UBE2D3: variants seen among roughly 807,000 people sequenced by gnomAD.
UBE2D3 encodes the protein ubiquitin-conjugating enzyme E2 D3.
A neutral mutation model predicts 22.8 loss-of-function variants in UBE2D3; 2 were observed. The ratio of observed to expected loss-of-function variants is 0.09; its 90% CI spans 0.04 to 0.28. The LOEUF (loss-of-function observed/expected upper bound fraction) is 0.28, where lower values mean the gene tolerates loss of function less well. Among genes scored for constraint, UBE2D3 ranks in the 10% least tolerant of loss-of-function variants. The probability of loss-of-function intolerance (pLI) is 1.00; values close to 1 mark genes in which losing one functional copy is unlikely to be tolerated. For synonymous variants in UBE2D3, 56 were observed against 60.4 expected, an observed-to-expected ratio of 0.93 and a Z score of 0.34; for missense variants, 27 against 182.5, an observed-to-expected ratio of 0.15 and a Z score of 4.91.
In UBE2D3 at chr4:102,794,701, C is replaced by A. The variant is rs1479680012; in HGVS notation, c.*2714G>T. On this transcript the variant is annotated 3_prime_UTR_variant, in exon 8 of 8. Transcript: ENST00000453744. ...AAAAAAAAGTGAGTGTTTCACTACC[C>A]CTGAGACCACTAGTTAACTGTGGTT... The A allele has an allele frequency of 6.6e-6, 1 of 151,842 alleles. No individual in the cohort carries two copies. The allele number at this position is 151,842 out of a possible 1,614,324, so 9.4% of individuals were successfully genotyped here.
At position 102,855,755 on chromosome 4, in the gene UBE2D3, G is replaced by A. The variant is rs574857465; in HGVS notation, c.-129+12960C>T. 6.4e-4 allele frequency among the ~76,000 whole-genome samples: 97 copies of A among 152,274 alleles called. 1 individual carries two copies. The highest frequency in any genetic ancestry group is 2.3e-3 in the African/African-American group (94 of 41,536). On this transcript the variant is annotated intron_variant, in intron 1 of 7. Coordinates refer to the UBE2D3 transcript ENST00000338145. ...CAGTTTTTTACTGAACACCTACCAA[G>A]TGTCAGGTACTAAGGATTCATCAGT...
At chr4:102,810,958 T>C (rs772003530) in intron 2 of UBE2D3, 2 of 152,192 alleles carry the variant, frequency 1.3e-5, no homozygotes, top group Non-Finnish European at 2.9e-5. Context: ...CATAAGTCAG[T>C]ACACCCATTA....
intron 1 of UBE2D3, among the ~76,000 whole-genome samples, chr4:102,862,341 T>C (rs1404667026): frequency 6.6e-6 from 1 of 151,942 alleles, no homozygotes; most frequent in Non-Finnish European, 1.5e-5. Flanking sequence ...TAATTCTTTT[T>C]TTAAAAAAAT....
intron 4 of UBE2D3, among the ~76,000 whole-genome samples, chr4:102,808,245 GC>G (rs1170631846): frequency 1.3e-5 from 2 of 152,148 alleles, no homozygotes; most frequent in African/African-American, 4.8e-5. Flanking sequence ...TGGAATGTGG[GC>G]CTACTCAGAA....
upstream of UBE2D3, chr4:102,827,910 C>T: frequency 3.0e-6 from 3 of 985,626 alleles, no homozygotes; most frequent in Non-Finnish European, 3.6e-6. Flanking sequence ...TCCAGCCCCA[C>T]GCCCCTCCCC....
At chr4:102,821,222 C>A (rs1729554486) in intron 2 of UBE2D3, among the ~76,000 whole-genome samples, 1 of 151,900 alleles carries the variant, frequency 6.6e-6, no homozygotes, top group African/African-American at 2.4e-5. Flanking sequence ...CTGGTTTTGG[C>A]AAGGGGAATT....
rs78812337 is a variant in UBE2D3 at position 102,803,331 on chromosome 4, C to T, written c.121-693G>A. On this transcript the variant is annotated intron_variant, in intron 4 of 7. Transcript: ENST00000453744. ...TAAAATGTGGAATGCCTAACTGCTT[C>T]TGGGTATGCAAAGAACCAATCCGAA... Among the ~76,000 whole-genome samples, 355 of 152,296 alleles carry T rather than the reference C, an allele frequency of 2.3e-3. 2 individuals carry two copies. The highest frequency in any genetic ancestry group is 8.0e-3 in the African/African-American group (333 of 41,562).
chr4:102,820,747 CAAAA>C (rs902911912), intron 2 of UBE2D3, among the ~76,000 whole-genome samples: 1 of 151,204 alleles, frequency 6.6e-6, no homozygotes, highest in Non-Finnish European at 1.5e-5. Context: ...AACAAACAAA[CAAAA>C]AAAACAAAGA....
At chr4:102,856,287 C>G (rs1732613842) in intron 1 of UBE2D3, among the ~76,000 whole-genome samples, 1 of 152,174 alleles carries the variant, frequency 6.6e-6, no homozygotes, top group Admixed American at 6.5e-5. Context: ...AAATTTCTTG[C>G]AACTGGGAGG....
chr4:102,794,423 G>A lies in UBE2D3; in HGVS notation c.*2992C>T, dbSNP rs1725055829. On this transcript the variant is annotated 3_prime_UTR_variant, in exon 8 of 8. Transcript: ENST00000453744. ...ACTTTAATGGTAACAATTCCTTTAA[G>A]CTCAATTAACTTCAGCTATTACAAG... is the stretch of plus-strand genomic sequence containing the variant. The A allele has an allele frequency of 6.6e-6, 1 of 152,048 alleles. No individual in the cohort carries two copies. The highest frequency in any genetic ancestry group is 2.1e-4 in the South Asian group (1 of 4,832). 9.4% of individuals were successfully genotyped at this position (152,048 alleles called of 1,614,324 possible). A position where few individuals can be genotyped will look rare whatever the true frequency, so the allele number is the denominator to read the frequency against.
At chr4:102,860,338 GGTGT>G (rs372393724) in intron 1 of UBE2D3, among the ~76,000 whole-genome samples, 1 of 146,890 alleles carries the variant, frequency 6.8e-6, no homozygotes, top group African/African-American at 2.5e-5. Flanking sequence ...ATGTTTTCTT[GGTGT>G]GTGTGTGTGT....
In UBE2D3 at chr4:102,794,492, C is replaced by G. The variant is rs1725061000; in HGVS notation, c.*2923G>C. Reference sequence around the variant, plus strand: ...ATTAGACAATATTTAGTGACTTGCACTGGGTTCCTCATAAAAGACAAATTC... The same window carrying G: ...ATTAGACAATATTTAGTGACTTGCAGTGGGTTCCTCATAAAAGACAAATTC... On this transcript the variant is annotated 3_prime_UTR_variant, in exon 8 of 8. Coordinates refer to ENST00000453744, the MANE Select transcript of UBE2D3 (RefSeq NM_181891.3). 4 of 152,056 alleles carry G rather than the reference C, an allele frequency of 2.6e-5. No homozygotes were observed. The highest frequency in any genetic ancestry group is 2.0e-4 in the Admixed American group (3 of 15,240). The allele number at this position is 152,056 out of a possible 1,614,324, so 9.4% of individuals were successfully genotyped here.
chr4:102,826,934 G>A (rs1405935495), intron 1 of UBE2D3: 2 of 1,009,678 alleles, frequency 2.0e-6, no homozygotes, highest in Non-Finnish European at 1.2e-6. Flanking sequence ...CAGAGGAGGA[G>A]CCGGGGCCTA....
At chr4:102,857,210 TA>T (rs1326245912) in intron 1 of UBE2D3, among the ~76,000 whole-genome samples, 2 of 152,202 alleles carry the variant, frequency 1.3e-5, no homozygotes, top group African/African-American at 4.8e-5. Context: ...AGCTATTCTT[TA>T]AAAAGTCTTT....
In UBE2D3 at chr4:102,842,503, C is replaced by G. The variant is rs543811186; in HGVS notation, c.-128-15867G>C. On this transcript the variant is annotated intron_variant, in intron 1 of 7. Transcript: ENST00000338145. ...GCCAGGAGTTCAAAGTTGCAGTGAG[C>G]TATGATGAGGCCAGTGCACTCTAGC... Among the ~76,000 whole-genome samples, 3 of 151,622 alleles carry G rather than the reference C, an allele frequency of 2.0e-5. No individual in the cohort carries two copies. The East Asian group carries it at 5.8e-4, about 29-fold the overall frequency.
chr4:102,797,336 G>T lies in UBE2D3; in HGVS notation c.*79C>A. ...ATGAGGTCTGATAGGGGAGCAGCCG[G>T]ATAAGAAAATCAAAAAAGGAACAGT... On this transcript the variant is annotated 3_prime_UTR_variant, in exon 8 of 8. Coordinates refer to ENST00000453744, the MANE Select transcript of UBE2D3 (RefSeq NM_181891.3). 7.8e-7 allele frequency: 1 copy of T among 1,284,034 alleles called. No individual in the cohort carries two copies. 79.5% of individuals were successfully genotyped at this position (1,284,034 alleles called of 1,614,324 possible).
chr4:102,864,918 C>G (rs1733075626), intron 1 of UBE2D3, among the ~76,000 whole-genome samples: 1 of 152,166 alleles, frequency 6.6e-6, no homozygotes, highest in Admixed American at 6.5e-5. Flanking sequence ...ACCACAAAAA[C>G]AAGTTTAACT....
chr4:102,805,176 G>T (rs181626986), intron 4 of UBE2D3, among the ~76,000 whole-genome samples: 294 of 152,276 alleles, frequency 1.9e-3, no homozygotes, highest in African/African-American at 6.8e-3. Context: ...ATATTTCAAT[G>T]TTACAATTTA....
chr4:102,847,408 C>T (rs1009987981), intron 1 of UBE2D3, among the ~76,000 whole-genome samples: 1 of 152,060 alleles, frequency 6.6e-6, no homozygotes, highest in African/African-American at 2.4e-5. Context: ...GCCTCAGCCT[C>T]CCAAGTAGCT....
Sources: gnomAD v4.1 joint callset for allele counts (sites outside exome capture counted in the v4.1 genomes callset) on GRCh38, gnomAD v4.1.1 for gene constraint, MANE v1.5 for transcripts, NCBI Gene and HGNC (gene_info 2026-07-23, HGNC 2026-07-21) for gene names.